The following GLT1D1 variants were observed in gnomAD, a reference collection of about 807,000 sequenced individuals.
GLT1D1 encodes glycosyltransferase 1 domain containing 1.
Under a neutral mutation model 28.7 loss-of-function variants are expected in GLT1D1, and 21 were observed. That is an observed-to-expected ratio of 0.73 (90% CI 0.52 to 1.05). The LOEUF (loss-of-function observed/expected upper bound fraction) is 1.05. Among genes scored for constraint, GLT1D1 ranks in the 50% least tolerant of loss-of-function variants. GLT1D1 has a pLI of 0.00. For missense variants in GLT1D1, 343 were observed against 330.6 expected (o/e 1.04, Z -0.29); for synonymous variants, 147 against 124.8 (o/e 1.18, Z -1.19).
intron 3 of GLT1D1, among the ~76,000 whole-genome samples, chr12:128,890,219 G>A (rs1315681405): frequency 6.6e-6 from 1 of 152,122 alleles, no homozygotes; most frequent in Non-Finnish European, 1.5e-5. Flanking sequence ...GCTTTCTTCA[G>A]CCCTTGTCTG....
chr12:128,879,396 T>TTCTTTC (rs1430631525), intron 2 of GLT1D1, among the ~76,000 whole-genome samples: 1 of 82,940 alleles, frequency 1.2e-5, no homozygotes, highest in African/African-American at 5.5e-5. Flanking sequence ...CTTTCTTTCT[T>TTCTTTC]TCTTTCTTTC....
chr12:128,874,433 C>T (rs1956824087), intron 1 of GLT1D1, among the ~76,000 whole-genome samples: 1 of 150,482 alleles, frequency 6.6e-6, no homozygotes, highest in Non-Finnish European at 1.5e-5. Flanking sequence ...CTGCCTGCCT[C>T]AGCCTCCCAG....
At chr12:128,935,610 A>G (rs1418682123) in intron 4 of GLT1D1, among the ~76,000 whole-genome samples, 1 of 151,472 alleles carries the variant, frequency 6.6e-6, no homozygotes, top group Non-Finnish European at 1.5e-5. Context: ...GAGGCTGCAT[A>G]TGTTTTATTT....
At chr12:128,905,581 G>C (rs899561657) in intron 4 of GLT1D1, among the ~76,000 whole-genome samples, 3 of 152,190 alleles carry the variant, frequency 2.0e-5, no homozygotes, top group Admixed American at 6.5e-5. Context: ...TTGGATTTCA[G>C]TAAAGACGGT....
intron 4 of GLT1D1, among the ~76,000 whole-genome samples, chr12:128,913,778 C>T (rs1871795953): frequency 6.6e-6 from 1 of 152,212 alleles, no homozygotes; most frequent in Admixed American, 6.5e-5. Flanking sequence ...AACCTGGGCT[C>T]TGAGGCAGCG....
intron 1 of GLT1D1, among the ~76,000 whole-genome samples, chr12:128,855,348 G>A (rs921149349): frequency 3.3e-5 from 5 of 151,914 alleles, no homozygotes; most frequent in Admixed American, 6.6e-5. Flanking sequence ...GATTGCTTGA[G>A]CCCAGGAGTT....
At chr12:128,857,024 A>G (rs966370168) in intron 1 of GLT1D1, among the ~76,000 whole-genome samples, 1 of 152,214 alleles carries the variant, frequency 6.6e-6, no homozygotes. Flanking sequence ...ACGGGCACAG[A>G]GTTAGAAGCT....
chr12:128,877,466 T>A (rs1296537390), intron 2 of GLT1D1, among the ~76,000 whole-genome samples: 1 of 152,224 alleles, frequency 6.6e-6, no homozygotes, highest in African/African-American at 2.4e-5. Flanking sequence ...TTTTCCTGCC[T>A]CCTGTTCCAC....
chr12:128,944,899 C>T (rs886438771), intron 4 of GLT1D1: 22 of 441,156 alleles, frequency 5.0e-5, no homozygotes, highest in Admixed American at 3.5e-4. Flanking sequence ...CTGCACCCAT[C>T]AACTCGTCAT....
At chr12:128,952,773 C>CTT (rs71072430) in intron 6 of GLT1D1, among the ~76,000 whole-genome samples, 34,922 of 58,564 alleles carry the variant, frequency 0.6, 14,815 homozygotes, top group Non-Finnish European at 0.72. Flanking sequence ...CCGTGACTGG[C>CTT]TTTTTTTTTT....
chr12:128,945,092 C>A, intron 4 of GLT1D1: 1 of 688,814 alleles, frequency 1.5e-6, no homozygotes, highest in East Asian at 2.6e-5. Flanking sequence ...AGCAGGTCCC[C>A]GCTGGAAAGG....
At position 128,957,555 on chromosome 12, in the gene GLT1D1, T is replaced by C. The variant is rs1347627704; in HGVS notation, c.551T>C (p.Leu184Ser). 6.2e-7 allele frequency: 1 copy of C among 1,612,592 alleles called. No homozygotes were observed. ...TCCTGTCTCCTCCAGGCAATGGATT[T>C]AGAAGTACCGGTATTGGCCAGGAAC... Residue 184 changes from leucine to serine, a missense_variant, in exon 7 of 8, where the codon TTA (leucine) becomes TCA (serine). Transcript: ENST00000281703.
intron 7 of GLT1D1, among the ~76,000 whole-genome samples, chr12:128,958,991 C>T: frequency 6.6e-6 from 1 of 151,446 alleles, no homozygotes; most frequent in East Asian, 2.0e-4. Context: ...GCATGCACCA[C>T]CACGCCTGGC....
intron 4 of GLT1D1, chr12:128,914,944 A>C (rs1280821088): frequency 1.3e-6 from 2 of 1,536,088 alleles, no homozygotes; most frequent in Non-Finnish European, 1.7e-6. Flanking sequence ...AATTGCAACA[A>C]CACCAAACGC....
At chr12:128,873,270 A>G (rs1287469403) in intron 1 of GLT1D1, among the ~76,000 whole-genome samples, 1 of 152,144 alleles carries the variant, frequency 6.6e-6, no homozygotes, top group Admixed American at 6.5e-5. Flanking sequence ...ATGCCCACAC[A>G]GTGTATATAC....
At chr12:128,863,241 G>A (rs1303757497) in intron 1 of GLT1D1, among the ~76,000 whole-genome samples, 1 of 152,180 alleles carries the variant, frequency 6.6e-6, no homozygotes, top group Non-Finnish European at 1.5e-5. Flanking sequence ...TGCTTGGGGA[G>A]GCCCAGCAAG....
intron 4 of GLT1D1, among the ~76,000 whole-genome samples, chr12:128,943,207 A>T (rs11060034): frequency 0.29 from 44,827 of 152,086 alleles, 6,982 homozygotes; most frequent in East Asian, 0.58. Context: ...CTATTGTGTA[A>T]AGTCTTTTTA....
At chr12:128,959,067 G>A (rs1039320206) in intron 7 of GLT1D1, among the ~76,000 whole-genome samples, 1 of 151,440 alleles carries the variant, frequency 6.6e-6, no homozygotes, top group African/African-American at 2.4e-5. Flanking sequence ...CGAACTCCTG[G>A]CCTCAAGCGA....
chr12:128,976,992 A>G (rs1364919523), intron 7 of GLT1D1, among the ~76,000 whole-genome samples: 1 of 152,208 alleles, frequency 6.6e-6, no homozygotes, highest in Non-Finnish European at 1.5e-5. Flanking sequence ...CTGAAAAAAC[A>G]AAAATTAGTC....
Sources: gnomAD v4.1 joint callset for allele counts (sites outside exome capture counted in the v4.1 genomes callset) on GRCh38, gnomAD v4.1.1 for gene constraint, MANE v1.5 for transcripts, NCBI Gene and HGNC (gene_info 2026-07-23, HGNC 2026-07-21) for gene names.